KCNG3: variants seen among roughly 807,000 people sequenced by gnomAD.
KCNG3 encodes voltage-gated potassium channel regulatory subunit KCNG3.
In KCNG3, 15 loss-of-function variants were observed where a neutral mutation model predicts 29.0. The observed-to-expected ratio is 0.52, with a 90% confidence interval of 0.35 to 0.80. KCNG3 has a LOEUF of 0.80. KCNG3 is among the 30% of genes least tolerant of loss of function. The probability of loss-of-function intolerance (pLI) is 0.01; values close to 1 mark genes in which losing one functional copy is unlikely to be tolerated. For synonymous variants in KCNG3, 322 were observed against 248.9 expected (o/e 1.29, Z -2.76); for missense variants, 512 against 605.7 (o/e 0.85, Z 1.62).
rs189981669 is a variant in KCNG3, at chr2:42,480,230, T to C, written c.665+12607A>G. ...ATCCAAGGGCGCTTAGCATGGCTGGTTAGAAGACTAGAATCAGGCATCACT... is the reference window on the plus strand; with the variant it reads ...ATCCAAGGGCGCTTAGCATGGCTGGCTAGAAGACTAGAATCAGGCATCACT... On this transcript the variant is annotated intron_variant, in intron 1 of 1. Coordinates refer to ENST00000306078, the MANE Select transcript of KCNG3 (RefSeq NM_133329.6). Among the ~76,000 whole-genome samples, 4 of 147,172 alleles carry C rather than the reference T, an allele frequency of 2.7e-5. No individual in the cohort carries two copies. The East Asian group carries it at 7.7e-4, about 28-fold the overall frequency.
rs1338647168 is a variant in KCNG3 at position 42,444,029 on chromosome 2, T to C, written c.1216A>G (p.Thr406Ala). ...TGCACAAAGCTATGGTAGATAAAAG[T>C]GATAGGTAATGCCAATAGAACAATT... ...SGIVLLALPI[T>A]FIYHSFVQCY... The change falls in exon 2 of 2, where the codon ACT becomes GCT. Residue 406 changes from threonine (T) to alanine (A), a missense_variant. Transcript: ENST00000306078. This position sits in a 1 kb window ranked among gnomAD's most constrained non-coding sequence, Gnocchi z 5.8. 1 of 1,614,164 alleles carries C rather than the reference T, an allele frequency of 6.2e-7. No homozygotes were observed. Among genetic ancestry groups the C allele is most frequent in the Admixed American group, 1.7e-5 (1 of 60,020 alleles).
chr2:42,434,664 C>T, the KCNG3 span, among the ~76,000 whole-genome samples: 1 of 72,044 alleles, frequency 1.4e-5, no homozygotes, highest in Non-Finnish European at 2.5e-5. Context: ...GAAACTCCAT[C>T]TCAAAAAAAA....
chr2:42,422,477 T>A, the KCNG3 span, among the ~76,000 whole-genome samples: 1 of 152,072 alleles, frequency 6.6e-6, no homozygotes, highest in East Asian at 1.9e-4. Flanking sequence ...TATTCTGTTA[T>A]AGCAAGAAAG....
Position 42,452,220 on chromosome 2 carries a change from AAT to A in KCNG3, c.666-7643_666-7642del, listed in dbSNP as rs869226338. 1.7e-3 allele frequency among the ~76,000 whole-genome samples: 178 copies of A among 104,672 alleles called. 1 individual carries two copies. The highest frequency in any genetic ancestry group is 4.4e-3 in the Middle Eastern group (1 of 226). The allele number at this position is 104,672 out of a possible 152,430, so 68.7% of individuals were successfully genotyped here. ...TCACATCAGGGTAAATGGGGTGGTA[AAT>A]ATATATATATATATATATATATTTT... On this transcript the variant is annotated intron_variant, in intron 1 of 1. Coordinates refer to ENST00000306078, the MANE Select transcript of KCNG3 (RefSeq NM_133329.6).
intron 1 of KCNG3, among the ~76,000 whole-genome samples, chr2:42,484,953 T>C (rs1334505582): frequency 2.0e-5 from 3 of 152,208 alleles, no homozygotes; most frequent in Admixed American, 2.0e-4. Context: ...CCACCTTATC[T>C]GCACAGTAAA....
the KCNG3 span, chr2:42,413,572 T>C: frequency 6.6e-6 from 1 of 152,206 alleles, no homozygotes; most frequent in African/African-American, 2.4e-5. Flanking sequence ...TTTAAACCTT[T>C]TATTTTGTAT....
chr2:42,478,233 T>C (rs1040200251), intron 1 of KCNG3, among the ~76,000 whole-genome samples: 1 of 152,126 alleles, frequency 6.6e-6, no homozygotes, highest in African/African-American at 2.4e-5. Context: ...TCATATTATA[T>C]ATTAAACTAG....
chr2:42,434,458 CAAAAAAAAAAAAA>C, the KCNG3 span, among the ~76,000 whole-genome samples: 11 of 31,242 alleles, frequency 3.5e-4, no homozygotes, highest in Admixed American at 1.5e-3. Context: ...GACACTGTCT[CAAAAAAAAAAAAA>C]AAAAAAAAAA....
At chr2:42,461,031 T>C (rs1287977035) in intron 1 of KCNG3, among the ~76,000 whole-genome samples, 1 of 151,542 alleles carries the variant, frequency 6.6e-6, no homozygotes, top group Non-Finnish European at 1.5e-5. Flanking sequence ...CGTGGCAGCA[T>C]GCGTCTGTAG....
At chr2:42,419,173 GTGC>G in the KCNG3 span, among the ~76,000 whole-genome samples, 1 of 136,570 alleles carries the variant, frequency 7.3e-6, no homozygotes, top group East Asian at 2.4e-4. Flanking sequence ...AAATTCGCAT[GTGC>G]TGCTATTTCC....
chr2:42,468,043 G>A (rs1673188272), intron 1 of KCNG3, among the ~76,000 whole-genome samples: 1 of 150,096 alleles, frequency 6.7e-6, no homozygotes, highest in Non-Finnish European at 1.5e-5. Flanking sequence ...AAAAACTGTA[G>A]GCCAATCTTA....
intron 1 of KCNG3, among the ~76,000 whole-genome samples, chr2:42,490,000 C>G (rs1673831362): frequency 6.6e-6 from 1 of 152,136 alleles, no homozygotes; most frequent in Admixed American, 6.6e-5. Context: ...ACACATGTAC[C>G]ACATGTACTA....
At chr2:42,433,153 AAG>A in the KCNG3 span, among the ~76,000 whole-genome samples, 1 of 152,212 alleles carries the variant, frequency 6.6e-6, no homozygotes, top group Non-Finnish European at 1.5e-5. Context: ...GCAATTAGAT[AAG>A]AGAAAGACGT....
intron 1 of KCNG3, among the ~76,000 whole-genome samples, chr2:42,448,100 T>A (rs1482180069): frequency 6.6e-6 from 1 of 152,194 alleles, no homozygotes; most frequent in South Asian, 2.1e-4. Flanking sequence ...TAGCTTATTT[T>A]GAGCAATGTT....
the KCNG3 span, among the ~76,000 whole-genome samples, chr2:42,423,147 A>G: frequency 6.6e-6 from 1 of 152,108 alleles, no homozygotes; most frequent in African/African-American, 2.4e-5. Flanking sequence ...GGCTCCTCCA[A>G]TCATTAAATC....
Position 42,493,145 on chromosome 2 carries a change from G to A in KCNG3, c.357C>T (p.Arg119=), listed in dbSNP as rs1457934257. The change falls in exon 1 of 2, where the codon CGC becomes CGT. Residue 119 remains arginine, a synonymous_variant. Coordinates refer to ENST00000306078, the MANE Select transcript of KCNG3 (RefSeq NM_133329.6). ...AGTAGAAGGTGTAGGTGTCGGACAT[G>A]CGGTCGTCGAGGCGGCGCTGGCAGC... ...EYCCQRRLDD[R]MSDTYTFYSA... is the part of the protein sequence containing the mutation. 2 of 1,605,808 alleles carry A rather than the reference G, an allele frequency of 1.2e-6. No individual in the cohort carries two copies. Among genetic ancestry groups the A allele is most frequent in the Non-Finnish European group, 1.7e-6 (2 of 1,179,214 alleles).
the KCNG3 span, among the ~76,000 whole-genome samples, chr2:42,426,126 ATAAAT>A: frequency 6.6e-6 from 1 of 152,198 alleles, no homozygotes; most frequent in Non-Finnish European, 1.5e-5. Context: ...AGCTCCAACC[ATAAAT>A]TAATCAAATA....
At chr2:42,418,185 A>G in the KCNG3 span, among the ~76,000 whole-genome samples, 4 of 152,228 alleles carry the variant, frequency 2.6e-5, no homozygotes, top group South Asian at 4.1e-4. Context: ...ATAACTCCTC[A>G]TAAGTGGAAT....
chr2:42,457,675 G>A (rs1672913916), intron 1 of KCNG3, among the ~76,000 whole-genome samples: 1 of 71,028 alleles, frequency 1.4e-5, no homozygotes, highest in African/African-American at 4.5e-5. Flanking sequence ...ACACAAGGCT[G>A]GGCGCAGTGG....
Sources: gnomAD v4.1 joint callset for allele counts (sites outside exome capture counted in the v4.1 genomes callset) on GRCh38, gnomAD v4.1.1 for gene constraint, Gnocchi (gnomAD v3.1) non-coding constraint, MANE v1.5 for transcripts, NCBI Gene and HGNC (gene_info 2026-07-23, HGNC 2026-07-21) for gene names.